The following PPP1R9A variants were observed in gnomAD, a reference collection of about 807,000 sequenced individuals.
PPP1R9A encodes the protein protein phosphatase 1 regulatory subunit 9A, also known as neurabin-1.
A neutral mutation model predicts 141.9 loss-of-function variants in PPP1R9A; 59 were observed. That is an observed-to-expected ratio of 0.42 (90% CI 0.34 to 0.52). The LOEUF is 0.52. Ranked by LOEUF, PPP1R9A falls within the 20% of genes least tolerant of loss-of-function variation. The probability of loss-of-function intolerance (pLI) is 0.10; values close to 1 mark genes in which losing one functional copy is unlikely to be tolerated. For missense variants in PPP1R9A, 1,444 were observed against 1,611.9 expected (o/e 0.90, Z 1.78); for synonymous variants, 500 against 569.7 (o/e 0.88, Z 1.74).
chr7:95,193,941 G>T (rs943330981), intron 5 of PPP1R9A, among the ~76,000 whole-genome samples: 3 of 151,970 alleles, frequency 2.0e-5, no homozygotes, highest in Non-Finnish European at 4.4e-5. Context: ...CAACATTCTT[G>T]AATAAGTTTA....
At chr7:95,078,831 G>T (rs1356126413) in intron 2 of PPP1R9A, among the ~76,000 whole-genome samples, 7 of 151,472 alleles carry the variant, frequency 4.6e-5, no homozygotes, top group Non-Finnish European at 1.5e-5. Context: ...GGGGTTGTTT[G>T]TTTTTTTCTT....
chr7:95,052,189 A>C (rs886376436), intron 2 of PPP1R9A, among the ~76,000 whole-genome samples: 5 of 152,150 alleles, frequency 3.3e-5, no homozygotes, highest in Admixed American at 6.6e-5. Flanking sequence ...GAAATAATAA[A>C]CAGTCAGTAA....
At chr7:95,287,334 C>T (rs190989936) in intron 18 of PPP1R9A, among the ~76,000 whole-genome samples, 86 of 152,260 alleles carry the variant, frequency 5.6e-4, no homozygotes, top group African/African-American at 2.0e-3. Context: ...AGAGGATCTC[C>T]GCATTGCACC....
intron 14 of PPP1R9A, among the ~76,000 whole-genome samples, chr7:95,271,333 G>A (rs577756466): frequency 7.4e-4 from 113 of 152,190 alleles, no homozygotes; most frequent in Non-Finnish European, 1.2e-3. Flanking sequence ...GAGACCCTAT[G>A]AGGTGGTGCC....
chr7:95,284,323 A>G lies in PPP1R9A; in HGVS notation c.3602A>G (p.Glu1201Gly). ...SQLMSVVWIQ[E>G]TNNFTFNDDF... The stretch of plus-strand genomic sequence containing the variant: ...CTTATGTCTGTAGTCTGGATCCAAG[A>G]AACCAATGTAATAACACTGCAATAA... The change falls in exon 17 of 20, where the codon GAA becomes GGA. Residue 1201 changes from glutamate (E) to glycine (G), a missense_variant. Transcript: ENST00000433360. The G allele has an allele frequency of 6.8e-7, 1 of 1,479,140 alleles. No individual in the cohort carries two copies. Among genetic ancestry groups the G allele is most frequent in the Non-Finnish European group, 9.2e-7 (1 of 1,092,850 alleles). 91.6% of individuals were successfully genotyped at this position (1,479,140 alleles called of 1,614,324 possible). A position where few individuals can be genotyped will look rare whatever the true frequency, so the allele number is the denominator to read the frequency against.
intron 2 of PPP1R9A, among the ~76,000 whole-genome samples, chr7:95,043,224 C>A (rs1267258091): frequency 6.6e-6 from 1 of 152,026 alleles, no homozygotes; most frequent in Admixed American, 6.6e-5. Flanking sequence ...TGAGGTATGC[C>A]TATGCTATGG....
intron 2 of PPP1R9A, among the ~76,000 whole-genome samples, chr7:94,922,306 T>C (rs1163571134): frequency 6.6e-6 from 1 of 152,190 alleles, no homozygotes; most frequent in South Asian, 2.1e-4. Flanking sequence ...ATTTATATGC[T>C]TTGTAGTTTT....
chr7:95,100,629 A>C (rs1818641273), intron 2 of PPP1R9A, among the ~76,000 whole-genome samples: 1 of 152,152 alleles, frequency 6.6e-6, no homozygotes, highest in South Asian at 2.1e-4. Context: ...GGAAGATATG[A>C]TGGATGCCAC....
intron 2 of PPP1R9A, among the ~76,000 whole-genome samples, chr7:95,100,360 A>G (rs1818598933): frequency 6.6e-6 from 1 of 152,228 alleles, no homozygotes; most frequent in Non-Finnish European, 1.5e-5. Flanking sequence ...TGATTTTATC[A>G]TGGACTTTTG....
At chr7:95,132,771 G>A (rs1353618541) in intron 4 of PPP1R9A, among the ~76,000 whole-genome samples, 1 of 152,112 alleles carries the variant, frequency 6.6e-6, no homozygotes, top group Non-Finnish European at 1.5e-5. Flanking sequence ...TTAGTCTATG[G>A]CTGGGCTGGG....
Position 95,202,961 on chromosome 7 carries a change from T to C in PPP1R9A, c.1891-704T>C, listed in dbSNP as rs781621974. On this transcript the variant is annotated intron_variant, in intron 6 of 19. Transcript: ENST00000433360. ...CTTCCTTAAATATTCTTTTAAGATA[T>C]AGTATTTGTTACATTGTAAAGTCTT... 1.5e-4 allele frequency among the ~76,000 whole-genome samples: 23 copies of C among 152,068 alleles called. No individual in the cohort carries two copies. In the East Asian group the frequency reaches 4.0e-3, roughly 27 times the overall value.
intron 7 of PPP1R9A, among the ~76,000 whole-genome samples, chr7:95,208,949 G>A (rs2152902093): frequency 1.0e-4 from 3 of 29,674 alleles, no homozygotes; most frequent in African/African-American, 4.0e-4. Context: ...TAAAAATATA[G>A]CAAAACTAAA....
At chr7:95,066,503 A>C (rs1316873429) in intron 2 of PPP1R9A, among the ~76,000 whole-genome samples, 1 of 152,232 alleles carries the variant, frequency 6.6e-6, no homozygotes, top group East Asian at 1.9e-4. Flanking sequence ...AGTAAACTTT[A>C]AAAATATTAT....
intron 2 of PPP1R9A, among the ~76,000 whole-genome samples, chr7:94,966,606 A>C (rs990470196): frequency 6.6e-6 from 1 of 152,062 alleles, no homozygotes; most frequent in African/African-American, 2.4e-5. Flanking sequence ...TGTTTATGTG[A>C]TGGATTACGT....
chr7:95,087,322 A>G (rs193062127), intron 2 of PPP1R9A, among the ~76,000 whole-genome samples: 166 of 152,166 alleles, frequency 1.1e-3, no homozygotes, highest in Non-Finnish European at 1.7e-3. Context: ...CTAATCAAAT[A>G]GTCTCAATGT....
chr7:95,191,811 G>A (rs1201989729), intron 5 of PPP1R9A, among the ~76,000 whole-genome samples: 2 of 151,756 alleles, frequency 1.3e-5, no homozygotes, highest in African/African-American at 4.8e-5. Flanking sequence ...GTTTGTTGAA[G>A]CAAAGAAAAA....
chr7:94,999,782 TTTA>T (rs1563100958), intron 2 of PPP1R9A, among the ~76,000 whole-genome samples: 12 of 91,172 alleles, frequency 1.3e-4, no homozygotes, highest in East Asian at 6.6e-4. Context: ...TCTTATTTTA[TTTA>T]TTTATTTATT....
At chr7:95,112,971 G>A (rs926682396) in intron 3 of PPP1R9A, among the ~76,000 whole-genome samples, 21 of 152,000 alleles carry the variant, frequency 1.4e-4, no homozygotes, top group Non-Finnish European at 2.2e-4. Flanking sequence ...AACCACTTGC[G>A]CACAATGCGA....
chr7:95,112,056 G>T (rs1251269316), intron 3 of PPP1R9A, among the ~76,000 whole-genome samples: 2 of 150,240 alleles, frequency 1.3e-5, no homozygotes, highest in East Asian at 3.9e-4. Context: ...AAAAAGAGTA[G>T]AACAAACAGA....
Sources: allele counts gnomAD v4.1 joint callset (sites outside exome capture counted in the v4.1 genomes callset), GRCh38; gene constraint gnomAD v4.1.1; transcripts MANE v1.5; gene names NCBI Gene and HGNC (gene_info 2026-07-23, HGNC 2026-07-21).